Variants in SH3RF3 observed in about 807,000 individuals in gnomAD.
SH3RF3 encodes the protein SH3 domain containing ring finger 3, also known as E3 ubiquitin-protein ligase SH3RF3.
Under a neutral mutation model 66.3 loss-of-function variants are expected in SH3RF3, and 29 were observed. That is an observed-to-expected ratio of 0.44 (90% CI 0.33 to 0.60). The LOEUF (loss-of-function observed/expected upper bound fraction) is 0.60, where lower values mean the gene tolerates loss of function less well. Among genes scored for constraint, SH3RF3 ranks in the 20% least tolerant of loss-of-function variants. SH3RF3 has a pLI of 0.04. For missense variants in SH3RF3, 1,194 were observed against 1,190.9 expected (o/e 1.00, Z -0.04); for synonymous variants, 583 against 532.0 (o/e 1.10, Z -1.32).
At chr2:109,247,589 C>T (rs574170653) in intron 1 of SH3RF3, among the ~76,000 whole-genome samples, 9 of 152,210 alleles carry the variant, frequency 5.9e-5, no homozygotes, top group Non-Finnish European at 1.2e-4. Context: ...CACTTGGCGA[C>T]TTCTCTTTGT....
chr2:109,465,317 A>G (rs536264258), intron 8 of SH3RF3, among the ~76,000 whole-genome samples: 55 of 152,356 alleles, frequency 3.6e-4, no homozygotes, highest in African/African-American at 1.3e-3. Flanking sequence ...ATAAATTCGG[A>G]TAAATACCAA....
chr2:109,241,655 C>T (rs913922882), intron 1 of SH3RF3, among the ~76,000 whole-genome samples: 2 of 152,274 alleles, frequency 1.3e-5, no homozygotes, highest in African/African-American at 4.8e-5. Flanking sequence ...CCCGCCTCGC[C>T]ATGGTGAGGG....
intron 7 of SH3RF3, among the ~76,000 whole-genome samples, chr2:109,442,352 T>G (rs1196081891): frequency 6.7e-6 from 1 of 148,712 alleles, no homozygotes; most frequent in Non-Finnish European, 1.5e-5. Flanking sequence ...ATTAGAAAGG[T>G]AAAAATGAAA....
At chr2:109,163,373 A>T (rs4676256) in intron 1 of SH3RF3, among the ~76,000 whole-genome samples, 1 of 147,122 alleles carries the variant, frequency 6.8e-6, no homozygotes, top group Non-Finnish European at 1.5e-5. Flanking sequence ...TCAATAGATT[A>T]ACCAAGAGCA....
intron 1 of SH3RF3, among the ~76,000 whole-genome samples, chr2:109,202,118 C>T (rs1678689740): frequency 6.6e-6 from 1 of 152,210 alleles, no homozygotes; most frequent in Non-Finnish European, 1.5e-5. Context: ...GCCACTTTCT[C>T]ATCTTGACAG....
intron 1 of SH3RF3, among the ~76,000 whole-genome samples, chr2:109,175,835 T>C (rs1427585371): frequency 6.6e-6 from 1 of 152,242 alleles, no homozygotes; most frequent in African/African-American, 2.4e-5. Flanking sequence ...ATGCCAGTAA[T>C]AGTTTTTTAA....
rs902161957 is a variant in SH3RF3, at chr2:109,203,938, C to T, written c.573+73825C>T. On this transcript the variant is annotated intron_variant, in intron 1 of 9. Coordinates refer to ENST00000309415, the MANE Select transcript of SH3RF3 (RefSeq NM_001099289.3). ...TGTGTGTGCTGTTGTGGCCCCAAGG[C>T]CTCCCAGCAGAGCATCTGCACGGTG... Among the ~76,000 whole-genome samples, 4 of 152,206 alleles carry T rather than the reference C, an allele frequency of 2.6e-5. No individual in the cohort carries two copies. The East Asian group carries it at 7.7e-4, about 29-fold the overall frequency.
At chr2:109,206,009 G>C (rs1436051583) in intron 1 of SH3RF3, among the ~76,000 whole-genome samples, 3 of 152,186 alleles carry the variant, frequency 2.0e-5, no homozygotes, top group Non-Finnish European at 4.4e-5. Flanking sequence ...CCAAGTAGTA[G>C]TTGGAGACTA....
Position 109,444,953 on chromosome 2 carries a change from G to A in SH3RF3, c.1829-4217G>A, listed in dbSNP as rs751238467. Among the ~76,000 whole-genome samples, 64 of 152,130 alleles carry A rather than the reference G, an allele frequency of 4.2e-4. 1 individual carries two copies. The highest frequency in any genetic ancestry group is 8.8e-5 in the Non-Finnish European group (6 of 68,022). Reference sequence around the variant, plus strand: ...CACACACAAAAAAGAAAAACAGGAAGCTATGAAAAAATAGGTGGATGGCTA... The same window carrying A: ...CACACACAAAAAAGAAAAACAGGAAACTATGAAAAAATAGGTGGATGGCTA... On this transcript the variant is annotated intron_variant, in intron 7 of 9. Transcript: ENST00000309415.
intron 5 of SH3RF3, among the ~76,000 whole-genome samples, chr2:109,424,784 G>T (rs1379535272): frequency 6.6e-6 from 1 of 152,030 alleles, no homozygotes; most frequent in African/African-American, 2.4e-5. Flanking sequence ...TCTCTCCCCA[G>T]GCCTACCTTT....
rs186825323 is a variant in SH3RF3, at chr2:109,173,355, G to A, written c.573+43242G>A. The stretch of plus-strand genomic sequence containing the variant: ...TGCTCTGCCCGTTATCAACCGAGCC[G>A]TCCCTGCCTGGGTTGTCTATCGTGT... On this transcript the variant is annotated intron_variant, in intron 1 of 9. Coordinates refer to ENST00000309415, the MANE Select transcript of SH3RF3 (RefSeq NM_001099289.3). Among the ~76,000 whole-genome samples, 460 of 152,244 alleles carry A rather than the reference G, an allele frequency of 3.0e-3. 6 individuals carry two copies. Among genetic ancestry groups the A allele is most frequent in the African/African-American group, 0.011 (437 of 41,532 alleles).
chr2:109,249,470 T>TTTCC lies in SH3RF3; in HGVS notation c.574-98201_574-98200insCTTC, dbSNP rs1491144320. The stretch of plus-strand genomic sequence containing the variant: ...ATCTCTCTCTCTTTCTCTCTTTCTC[T>TTTCC]TTCTTTCTTTCTTTCTTTCTTTCTT... On this transcript the variant is annotated intron_variant, in intron 1 of 9. Coordinates refer to ENST00000309415, the MANE Select transcript of SH3RF3 (RefSeq NM_001099289.3). Among the ~76,000 whole-genome samples, 7 of 16,070 alleles carry TTTCC rather than the reference T, an allele frequency of 4.4e-4. No homozygotes were observed. The East Asian group carries it at 0.02, about 46-fold the overall frequency. 10.5% of individuals were successfully genotyped at this position (16,070 alleles called of 152,430 possible).
intron 1 of SH3RF3, among the ~76,000 whole-genome samples, chr2:109,272,509 G>T (rs950222923): frequency 2.0e-5 from 3 of 152,206 alleles, no homozygotes; most frequent in Non-Finnish European, 4.4e-5. Flanking sequence ...ACTGTGTGCT[G>T]CACTCACAGG....
chr2:109,285,380 C>T (rs771158924), intron 1 of SH3RF3, among the ~76,000 whole-genome samples: 9 of 152,346 alleles, frequency 5.9e-5, no homozygotes, highest in East Asian at 3.9e-4. Flanking sequence ...CCACGGCCAA[C>T]GCACAAAACT....
chr2:109,219,611 T>C (rs1345043972), intron 1 of SH3RF3, among the ~76,000 whole-genome samples: 2 of 152,144 alleles, frequency 1.3e-5, no homozygotes, highest in East Asian at 3.9e-4. Flanking sequence ...AGTTGCAAAA[T>C]ATAAAATTAA....
At chr2:109,401,958 G>A (rs892943418) in intron 4 of SH3RF3, among the ~76,000 whole-genome samples, 22 of 152,224 alleles carry the variant, frequency 1.4e-4, no homozygotes, top group Non-Finnish European at 2.2e-4. Flanking sequence ...GACTTGAAGC[G>A]AAAGTCATGG....
chr2:109,338,445 T>TA (rs374391879), intron 1 of SH3RF3, among the ~76,000 whole-genome samples: 1 of 152,118 alleles, frequency 6.6e-6, no homozygotes, highest in Non-Finnish European at 1.5e-5. Flanking sequence ...TTTTTTTTTT[T>TA]ACATGCTCAC....
intron 1 of SH3RF3, among the ~76,000 whole-genome samples, chr2:109,315,705 C>G (rs1384149417): frequency 6.6e-6 from 1 of 152,210 alleles, no homozygotes; most frequent in Admixed American, 6.5e-5. Context: ...GGCTTTCCCA[C>G]CCAGGGTTCC....
chr2:109,465,701 C>G (rs895335898), intron 8 of SH3RF3, among the ~76,000 whole-genome samples: 2 of 152,156 alleles, frequency 1.3e-5, no homozygotes, highest in African/African-American at 4.8e-5. Flanking sequence ...GCTTTTACTT[C>G]TGGGGAGACC....
Sources: gnomAD v4.1 joint callset for allele counts (sites outside exome capture counted in the v4.1 genomes callset) on GRCh38, gnomAD v4.1.1 for gene constraint, MANE v1.5 for transcripts, NCBI Gene and HGNC (gene_info 2026-07-23, HGNC 2026-07-21) for gene names.